MYO1D: variants seen among roughly 807,000 people sequenced by gnomAD.
MYO1D encodes the protein unconventional myosin-Id.
In MYO1D, 83 loss-of-function variants were observed where a neutral mutation model predicts 122.0. That is an observed-to-expected ratio of 0.68 (90% CI 0.57 to 0.82). MYO1D has a LOEUF of 0.82. MYO1D is among the 40% of genes least tolerant of loss of function. The probability of loss-of-function intolerance (pLI) is 0.00; values close to 1 mark genes in which losing one functional copy is unlikely to be tolerated. For missense variants in MYO1D, 1,157 were observed against 1,269.5 expected (o/e 0.91, Z 1.35); for synonymous variants, 464 against 446.9 (o/e 1.04, Z -0.48).
At chr17:32,725,015 G>C (rs770493659) in intron 14 of MYO1D, among the ~76,000 whole-genome samples, 1 of 152,012 alleles carries the variant, frequency 6.6e-6, no homozygotes, top group East Asian at 1.9e-4. Context: ...AAAAATAAAC[G>C]AACCTGCAGG....
chr17:32,773,617 A>G (rs7218741), intron 4 of MYO1D, among the ~76,000 whole-genome samples: 2 of 137,516 alleles, frequency 1.5e-5, no homozygotes, highest in East Asian at 2.2e-4. Context: ...TCCACCCTCC[A>G]TTCCTCCTTC....
chr17:32,497,977 G>A (rs1909179115), intron 21 of MYO1D: 1 of 152,306 alleles, frequency 6.6e-6, no homozygotes, highest in South Asian at 2.1e-4. Context: ...CCTTCCCGTT[G>A]GCAATTCTGG....
intron 3 of MYO1D, 114 bp from the exon 4 acceptor site, chr17:32,776,143 C>A: frequency 1.2e-6 from 1 of 850,652 alleles, no homozygotes; most frequent in Non-Finnish European, 1.8e-6. Flanking sequence ...CTAACTCCAG[C>A]ACTGTTTGCA....
rs934456630 is a variant in MYO1D at position 32,494,680 on chromosome 17, A to G, written c.*79T>C. 6.9e-6 allele frequency: 10 copies of G among 1,451,498 alleles called. No homozygotes were observed. Among genetic ancestry groups the G allele is most frequent in the African/African-American group, 5.7e-5 (4 of 70,754 alleles). The allele number at this position is 1,451,498 out of a possible 1,614,324, so 89.9% of individuals were successfully genotyped here. On this transcript the variant is annotated 3_prime_UTR_variant, in exon 22 of 22. Transcript: ENST00000318217. The stretch of plus-strand genomic sequence containing the variant: ...CCCTCGCAGCAGGTTTCTAGCGGGC[A>G]TGGGTTGGGAGGCAGCAGCTGGACT...
At chr17:32,817,489 T>G (rs987916808) in intron 1 of MYO1D, among the ~76,000 whole-genome samples, 1 of 152,210 alleles carries the variant, frequency 6.6e-6, no homozygotes, top group African/African-American at 2.4e-5. Flanking sequence ...GACTGCAGTT[T>G]AAAAACTGGT....
In MYO1D at chr17:32,559,219, C is replaced by T. The variant is rs1274648669; in HGVS notation, c.2864+45868G>A. 2.0e-5 allele frequency among the ~76,000 whole-genome samples: 3 copies of T among 152,150 alleles called. No individual in the cohort carries two copies. The East Asian group carries it at 5.8e-4, about 29-fold the overall frequency. On this transcript the variant is annotated intron_variant, in intron 21 of 21. Transcript: ENST00000318217. ...GCTTGTATAAAAAAGGGTTTGTAATCCATATACAATAGGGATCTCAACTGT... is the reference window on the plus strand; with the variant it reads ...GCTTGTATAAAAAAGGGTTTGTAATTCATATACAATAGGGATCTCAACTGT...
chr17:32,590,652 G>A (rs763356582), intron 21 of MYO1D, among the ~76,000 whole-genome samples: 59 of 152,160 alleles, frequency 3.9e-4, no homozygotes, highest in Non-Finnish European at 7.2e-4. Flanking sequence ...ACTTCACTGA[G>A]TATATTATGC....
At chr17:32,525,140 A>G (rs1181654267) in intron 21 of MYO1D, among the ~76,000 whole-genome samples, 1 of 152,226 alleles carries the variant, frequency 6.6e-6, no homozygotes, top group Non-Finnish European at 1.5e-5. Flanking sequence ...GTTAGCTTCA[A>G]TCATTCATAG....
intron 21 of MYO1D, among the ~76,000 whole-genome samples, chr17:32,566,203 A>T (rs2150893112): frequency 6.6e-6 from 1 of 151,918 alleles, no homozygotes; most frequent in South Asian, 2.1e-4. Context: ...ATAAAAAAAA[A>T]GTATACGAAA....
At chr17:32,497,737 G>C (rs1202526143) in intron 21 of MYO1D, 2 of 152,418 alleles carry the variant, frequency 1.3e-5, no homozygotes, top group Non-Finnish European at 2.9e-5. Flanking sequence ...CCACTGCCGG[G>C]CCAGCCCCTC....
intron 20 of MYO1D, among the ~76,000 whole-genome samples, chr17:32,609,147 G>A (rs944765349): frequency 6.6e-6 from 1 of 152,146 alleles, no homozygotes; most frequent in Non-Finnish European, 1.5e-5. Flanking sequence ...TATATTCATT[G>A]CCTATAAATT....
intron 21 of MYO1D, among the ~76,000 whole-genome samples, chr17:32,533,443 T>G (rs982870981): frequency 3.9e-5 from 6 of 152,178 alleles, no homozygotes; most frequent in African/African-American, 1.4e-4. Flanking sequence ...TACACTTCAC[T>G]ACTCAGACTC....
chr17:32,829,079 T>C (rs975659551), intron 1 of MYO1D, among the ~76,000 whole-genome samples: 1 of 152,204 alleles, frequency 6.6e-6, no homozygotes, highest in Non-Finnish European at 1.5e-5. Flanking sequence ...AAAGAAAATA[T>C]GCTATGGTGT....
intron 20 of MYO1D, among the ~76,000 whole-genome samples, chr17:32,612,397 T>C (rs1232157026): frequency 1.3e-5 from 2 of 151,996 alleles, no homozygotes; most frequent in Non-Finnish European, 2.9e-5. Context: ...ACTTTCAAAA[T>C]TATAAGAGGC....
At chr17:32,505,039 A>G (rs1909454278) in intron 21 of MYO1D, 1 of 152,666 alleles carries the variant, frequency 6.6e-6, no homozygotes, top group South Asian at 2.1e-4. Flanking sequence ...GGTTACTGTC[A>G]TAGCCCGGAC....
intron 1 of MYO1D, among the ~76,000 whole-genome samples, chr17:32,791,346 A>G (rs566245040): frequency 3.9e-4 from 57 of 146,892 alleles, no homozygotes; most frequent in Non-Finnish European, 7.1e-4. Context: ...CCTGGGCAGC[A>G]GAGCGAGACT....
chr17:32,516,034 T>C (rs142022141), intron 21 of MYO1D, among the ~76,000 whole-genome samples: 5 of 152,342 alleles, frequency 3.3e-5, no homozygotes, highest in African/African-American at 4.8e-5. Context: ...GGCCTTTCTA[T>C]CAATATGTTC....
chr17:32,778,181 C>T (rs2090197223), intron 3 of MYO1D, among the ~76,000 whole-genome samples: 1 of 152,098 alleles, frequency 6.6e-6, no homozygotes, highest in African/African-American at 2.4e-5. Context: ...AGTAATAAAC[C>T]AGGATGGGAA....
At chr17:32,691,334 C>T (rs1598012541) in intron 16 of MYO1D, among the ~76,000 whole-genome samples, 1 of 151,364 alleles carries the variant, frequency 6.6e-6, no homozygotes, top group Non-Finnish European at 1.5e-5. Flanking sequence ...CTCTTCATCT[C>T]CACTAACTTC....
Sources: allele counts gnomAD v4.1 joint callset (sites outside exome capture counted in the v4.1 genomes callset), GRCh38; gene constraint gnomAD v4.1.1; transcripts MANE v1.5; gene names NCBI Gene and HGNC (gene_info 2026-07-23, HGNC 2026-07-21).